The following KDM4C variants were observed in gnomAD, a reference collection of about 807,000 sequenced individuals.
KDM4C encodes the protein lysine-specific demethylase 4C.
In KDM4C, 81 loss-of-function variants were observed where a neutral mutation model predicts 129.3. That is an observed-to-expected ratio of 0.63 (90% CI 0.52 to 0.75). KDM4C has a LOEUF of 0.75. Among genes scored for constraint, KDM4C ranks in the 30% least tolerant of loss-of-function variants. KDM4C has a pLI of 0.00. For missense variants in KDM4C, 1,457 were observed against 1,304.0 expected, an observed-to-expected ratio of 1.12 and a Z score of -1.81; for synonymous variants, 573 against 456.1, an observed-to-expected ratio of 1.26 and a Z score of -3.26.
intron 8 of KDM4C, among the ~76,000 whole-genome samples, chr9:6,910,723 A>G (rs1314438186): frequency 2.0e-5 from 3 of 152,228 alleles, no homozygotes; most frequent in Non-Finnish European, 4.4e-5. Flanking sequence ...AATTTGTCCT[A>G]TGGAAATAAT....
At position 7,122,265 on chromosome 9, in the gene KDM4C, A is replaced by ACACACACACACACACTCTCTCTCT. The variant is rs375655422; in HGVS notation, c.2611-5800_2611-5799insACACACACACACACTCTCTCTCTC. On this transcript the variant is annotated intron_variant, in intron 18 of 21. Transcript: ENST00000381309. ...CACACACACACACACACACACACAC[A>ACACACACACACACACTCTCTCTCT]CTCTCTCTCTCTCTCTCTCTTAAAC... 3.0e-3 allele frequency among the ~76,000 whole-genome samples: 441 copies of ACACACACACACACACTCTCTCTCT among 144,766 alleles called. 2 individuals carry two copies. The highest frequency in any genetic ancestry group is 0.011 in the African/African-American group (423 of 38,490). 95.0% of individuals were successfully genotyped at this position (144,766 alleles called of 152,430 possible).
chr9:6,879,882 C>G (rs1419463563), intron 5 of KDM4C, 130 bp from the exon 6 acceptor site: 15 of 491,782 alleles, frequency 3.1e-5, no homozygotes, highest in Non-Finnish European at 5.5e-5. Context: ...TTTCTAATCT[C>G]TACTCAGTTC....
intron 5 of KDM4C, among the ~76,000 whole-genome samples, chr9:6,865,043 C>T (rs1465266912): frequency 7.8e-6 from 1 of 128,310 alleles, no homozygotes; most frequent in Admixed American, 8.9e-5. Context: ...GAGTCTTGCT[C>T]TATTGCCCAA....
At chr9:7,119,974 T>G (rs1478132567) in intron 18 of KDM4C, among the ~76,000 whole-genome samples, 1 of 152,190 alleles carries the variant, frequency 6.6e-6, no homozygotes, top group East Asian at 1.9e-4. Context: ...CATTATTTTA[T>G]TTTTATTCTT....
In KDM4C at chr9:7,165,264, A is replaced by G; in HGVS notation, c.2808A>G (p.Pro936=). 6.2e-7 allele frequency: 1 copy of G among 1,614,162 alleles called. No homozygotes were observed. The highest frequency in any genetic ancestry group is 8.5e-7 in the Non-Finnish European group (1 of 1,180,024). The change falls in exon 20 of 22, where the codon CCA becomes CCG. Residue 936 remains proline, a synonymous_variant. Coordinates refer to ENST00000381309, the MANE Select transcript of KDM4C (RefSeq NM_015061.6). ...GCCGAGACTGTCTGAAGCTGGGCCCACCTGCTGAGGGAGAAGTCGTCCAAG... is the reference window on the plus strand; with the variant it reads ...GCCGAGACTGTCTGAAGCTGGGCCCGCCTGCTGAGGGAGAAGTCGTCCAAG... ...IVSRDCLKLG[P]PAEGEVVQVK...
intron 17 of KDM4C, among the ~76,000 whole-genome samples, chr9:7,060,439 T>C (rs1032232328): frequency 2.7e-5 from 4 of 146,508 alleles, no homozygotes; most frequent in African/African-American, 7.5e-5. Flanking sequence ...GGGATGACTT[T>C]TTAGCAGTAT....
chr9:6,949,287 G>C (rs1394212395), intron 8 of KDM4C, among the ~76,000 whole-genome samples: 2 of 151,362 alleles, frequency 1.3e-5, no homozygotes, highest in African/African-American at 4.9e-5. Flanking sequence ...CATCCCAGAT[G>C]ATGGGTGGCC....
intron 5 of KDM4C, among the ~76,000 whole-genome samples, chr9:6,868,552 C>T (rs1842391106): frequency 6.6e-6 from 1 of 152,176 alleles, no homozygotes; most frequent in African/African-American, 2.4e-5. Flanking sequence ...CACATCCTCC[C>T]CTATACTTTA....
At chr9:7,118,399 G>C (rs1319655656) in intron 18 of KDM4C, among the ~76,000 whole-genome samples, 1 of 152,184 alleles carries the variant, frequency 6.6e-6, no homozygotes, top group Non-Finnish European at 1.5e-5. Context: ...TTTCTGGGCA[G>C]AGGATTTTTA....
chr9:6,896,710 C>A (rs1205708710), intron 8 of KDM4C, among the ~76,000 whole-genome samples: 1 of 152,062 alleles, frequency 6.6e-6, no homozygotes, highest in African/African-American at 2.4e-5. Flanking sequence ...GGGAGAAGTT[C>A]TACTTATGGA....
chr9:6,793,907 A>G (rs1423386300), intron 2 of KDM4C, among the ~76,000 whole-genome samples: 5 of 152,042 alleles, frequency 3.3e-5, no homozygotes, highest in Admixed American at 2.6e-4. Flanking sequence ...TAATGCATCC[A>G]TTTAAAGTGT....
At chr9:6,990,978 C>T (rs1051885012) in intron 12 of KDM4C, among the ~76,000 whole-genome samples, 5 of 152,162 alleles carry the variant, frequency 3.3e-5, no homozygotes, top group African/African-American at 9.7e-5. Context: ...TGGGGTGAAA[C>T]ATCCTTTTTC....
At chr9:7,123,491 C>T (rs1435199011) in intron 18 of KDM4C, among the ~76,000 whole-genome samples, 1 of 152,198 alleles carries the variant, frequency 6.6e-6, no homozygotes, top group Non-Finnish European at 1.5e-5. Flanking sequence ...ATTCATTCCT[C>T]TTCCATTTTG....
intron 1 of KDM4C, among the ~76,000 whole-genome samples, chr9:6,746,396 G>C (rs1407988688): frequency 1.3e-5 from 2 of 150,070 alleles, no homozygotes; most frequent in African/African-American, 4.9e-5. Context: ...AGCCTCCCGA[G>C]TAGCTGGGAC....
chr9:7,013,820 A>G lies in KDM4C; in HGVS notation c.2001A>G (p.Arg667=), dbSNP rs781140262. The G allele has an allele frequency of 9.9e-6, 16 of 1,614,004 alleles. No individual in the cohort carries two copies. The South Asian group carries it at 1.8e-4, about 18-fold the overall frequency. Residue 667 remains arginine (R), a synonymous_variant, in exon 14 of 22, where the codon AGA becomes AGG. Coordinates refer to ENST00000381309, the MANE Select transcript of KDM4C (RefSeq NM_015061.6). Reference sequence around the variant, plus strand: ...GCAGCAATGAAGAAAATGATGCTAGATGGGAGACAAAATTAGATGAAGTCG... The same window carrying G: ...GCAGCAATGAAGAAAATGATGCTAGGTGGGAGACAAAATTAGATGAAGTCG... ...PDSSNEENDA[R]WETKLDEVVT...
intron 1 of KDM4C, among the ~76,000 whole-genome samples, chr9:6,774,934 G>C (rs1432859952): frequency 2.0e-5 from 3 of 152,148 alleles, no homozygotes; most frequent in African/African-American, 7.2e-5. Flanking sequence ...TCCTTAAAGA[G>C]TAGATTAAAT....
intron 21 of KDM4C, among the ~76,000 whole-genome samples, 158 bp from the exon 22 acceptor site, chr9:7,174,395 G>A (rs575610814): frequency 1.3e-5 from 2 of 152,316 alleles, no homozygotes; most frequent in African/African-American, 2.4e-5. Flanking sequence ...GGTGGGAGAG[G>A]CGAGGGAAAG....
At chr9:6,771,209 G>T (rs981964457) in intron 1 of KDM4C, among the ~76,000 whole-genome samples, 2 of 150,118 alleles carry the variant, frequency 1.3e-5, no homozygotes, top group African/African-American at 4.9e-5. Flanking sequence ...AGGATTACAG[G>T]TGTGAGCCAC....
intron 9 of KDM4C, among the ~76,000 whole-genome samples, chr9:6,983,543 C>T (rs542847505): frequency 1.2e-4 from 17 of 145,390 alleles, no homozygotes; most frequent in African/African-American, 2.1e-4. Flanking sequence ...CTAGACCACC[C>T]GGGACAATAT....
Sources: allele counts gnomAD v4.1 joint callset (sites outside exome capture counted in the v4.1 genomes callset), GRCh38; gene constraint gnomAD v4.1.1; transcripts MANE v1.5; gene names NCBI Gene and HGNC (gene_info 2026-07-23, HGNC 2026-07-21).